The following TANC1 variants were observed in gnomAD, a reference collection of about 807,000 sequenced individuals.
The protein encoded by TANC1 is tetratricopeptide repeat, ankyrin repeat and coiled-coil containing 1.
Under a neutral mutation model 149.7 loss-of-function variants are expected in TANC1, and 77 were observed. That is an observed-to-expected ratio of 0.51 (90% CI 0.43 to 0.62). The LOEUF is 0.62. Ranked by LOEUF, TANC1 falls within the 20% of genes least tolerant of loss-of-function variation. TANC1 has a pLI of 0.00. For missense variants in TANC1, 1,985 were observed against 2,321.8 expected (o/e 0.85, Z 2.98); for synonymous variants, 854 against 925.0 (o/e 0.92, Z 1.39).
intron 3 of TANC1, among the ~76,000 whole-genome samples, chr2:159,090,379 C>G (rs1289028994): frequency 6.6e-6 from 1 of 152,180 alleles, no homozygotes. Flanking sequence ...CATTCCAGAT[C>G]TTTTTGACCA....
intron 18 of TANC1, among the ~76,000 whole-genome samples, chr2:159,198,128 C>T (rs1287156110): frequency 1.3e-5 from 2 of 152,202 alleles, no homozygotes; most frequent in Non-Finnish European, 2.9e-5. Flanking sequence ...CCTCTGTCCT[C>T]TGACCTGGAC....
intron 4 of TANC1, among the ~76,000 whole-genome samples, chr2:159,132,312 G>A (rs1388088499): frequency 6.6e-6 from 1 of 152,074 alleles, no homozygotes; most frequent in African/African-American, 2.4e-5. Flanking sequence ...GTCTCCTTTC[G>A]TATGTGACAT....
At position 159,219,818 on chromosome 2, in the gene TANC1, A is replaced by C; in HGVS notation, c.3629A>C (p.Asn1210Thr). 1 of 1,613,852 alleles carries C rather than the reference A, an allele frequency of 6.2e-7. No homozygotes were observed. Among genetic ancestry groups the C allele is most frequent in the Non-Finnish European group, 8.5e-7 (1 of 1,180,036 alleles). The change falls in exon 22 of 27, where the codon AAT (asparagine) becomes ACT (threonine). Residue 1210 changes from asparagine (N) to threonine (T), a missense_variant. Physicochemically the swap from Asn to Thr is moderately conservative, Grantham distance 65. Around this residue, in one of 3 missense-constraint regions of TANC1, gnomAD observed 920 missense variants for 994.7 expected, o/e 0.92. Transcript: ENST00000263635. ...EGAAIDQTDK[N>T]GRTPLDLAAF... ...GCTGCAATAGACCAGACAGACAAGA[A>C]TGGCCGCACACCCTTGGACCTGGCT...
At chr2:158,991,769 T>C (rs886710602) in intron 1 of TANC1, among the ~76,000 whole-genome samples, 4 of 151,286 alleles carry the variant, frequency 2.6e-5, no homozygotes, top group African/African-American at 9.7e-5. Context: ...AGAAAGAAAA[T>C]ATTGTAAAGA....
In TANC1 at chr2:159,051,762, C is replaced by T. The variant is rs1398988370; in HGVS notation, c.-15-14134C>T. On this transcript the variant is annotated intron_variant, in intron 2 of 26. Transcript: ENST00000263635. ...CCACCCCAGCTCTTCCAGAACTGCA[C>T]GAGGCTTGCACCATTCTGGGAAATT... is the stretch of plus-strand genomic sequence containing the variant. Among the ~76,000 whole-genome samples the T allele has an allele frequency of 3.3e-5, 5 of 151,896 alleles. No homozygotes were observed. In the South Asian group the frequency reaches 8.3e-4, roughly 25 times the overall value.
chr2:159,058,440 A>T (rs1370068655), intron 2 of TANC1, among the ~76,000 whole-genome samples: 1 of 140,896 alleles, frequency 7.1e-6, no homozygotes, highest in Non-Finnish European at 1.5e-5. Context: ...CTTCCATAAT[A>T]ACCCTGCCAC....
At chr2:159,143,722 TC>T (rs1415307284) in intron 5 of TANC1, among the ~76,000 whole-genome samples, 3 of 151,992 alleles carry the variant, frequency 2.0e-5, no homozygotes, top group African/African-American at 7.2e-5. Flanking sequence ...AAAGAACTGA[TC>T]CCCACAGATT....
At chr2:159,095,537 A>G (rs149522283) in intron 3 of TANC1, among the ~76,000 whole-genome samples, 3 of 151,836 alleles carry the variant, frequency 2.0e-5, no homozygotes, top group East Asian at 3.9e-4. Context: ...GAAGTTCAAG[A>G]CCAGCCTGAC....
intron 2 of TANC1, among the ~76,000 whole-genome samples, chr2:159,031,575 A>G (rs537489286): frequency 1.5e-3 from 226 of 152,354 alleles, no homozygotes; most frequent in African/African-American, 5.2e-3. Context: ...TTATAACCCT[A>G]TATTACAGAA....
chr2:159,182,572 A>T (rs2056599892), intron 14 of TANC1, among the ~76,000 whole-genome samples: 1 of 152,156 alleles, frequency 6.6e-6, no homozygotes, highest in African/African-American at 2.4e-5. Context: ...TATTTGTTTA[A>T]AAAGGGCAGC....
chr2:159,000,821 T>A (rs1319561170), intron 1 of TANC1, among the ~76,000 whole-genome samples: 1 of 151,774 alleles, frequency 6.6e-6, no homozygotes, highest in Non-Finnish European at 1.5e-5. Flanking sequence ...CTGGCCAGAG[T>A]CAAGAGCCAG....
chr2:159,084,876 A>G (rs2044675750), intron 3 of TANC1, among the ~76,000 whole-genome samples: 1 of 151,962 alleles, frequency 6.6e-6, no homozygotes, highest in African/African-American at 2.4e-5. Flanking sequence ...AAGAGTTCTG[A>G]CTCCGGAGTC....
At chr2:159,087,217 G>T (rs2044987250) in intron 3 of TANC1, among the ~76,000 whole-genome samples, 1 of 152,086 alleles carries the variant, frequency 6.6e-6, no homozygotes, top group South Asian at 2.1e-4. Context: ...GGCCAGGATT[G>T]GTTTATACAG....
chr2:158,976,292 A>G (rs1237318265), intron 1 of TANC1, among the ~76,000 whole-genome samples: 3 of 152,226 alleles, frequency 2.0e-5, no homozygotes, highest in Non-Finnish European at 2.9e-5. Flanking sequence ...TCTTTTATCA[A>G]CTTACATTAT....
chr2:159,228,180 T>C lies in TANC1; in HGVS notation c.4050+215T>C, dbSNP rs1164668050. 4 of 551,484 alleles carry C rather than the reference T, an allele frequency of 7.3e-6. No individual in the cohort carries two copies. In the Admixed American group the frequency reaches 1.1e-4, roughly 15 times the overall value. 34.2% of individuals were successfully genotyped at this position (551,484 alleles called of 1,614,324 possible). ...TCGCATGATGTTGAAGGAATGCACT[T>C]GGGTTTCGTTTCCTTGGCCTCAGTA... On this transcript the variant is annotated intron_variant, in intron 25 of 26. Transcript: ENST00000263635.
chr2:159,218,936 C>T (rs1240364822), intron 20 of TANC1, among the ~76,000 whole-genome samples: 1 of 152,164 alleles, frequency 6.6e-6, no homozygotes, highest in East Asian at 1.9e-4. Context: ...CTGTGGCTGT[C>T]TTGTCCTTGT....
At chr2:159,013,262 T>C (rs1242402861) in intron 2 of TANC1, among the ~76,000 whole-genome samples, 1 of 152,164 alleles carries the variant, frequency 6.6e-6, no homozygotes, top group African/African-American at 2.4e-5. Flanking sequence ...TTTGGTGCAC[T>C]AACCAGGACA....
At chr2:159,056,890 C>T (rs1239777639) in intron 2 of TANC1, 1 of 270,878 alleles carries the variant, frequency 3.7e-6, no homozygotes, top group Non-Finnish European at 7.8e-6. Flanking sequence ...ACCATTTCTC[C>T]TCATAGGACA....
chr2:159,078,254 T>C (rs2043896341), intron 3 of TANC1, among the ~76,000 whole-genome samples: 1 of 152,212 alleles, frequency 6.6e-6, no homozygotes, highest in South Asian at 2.1e-4. Flanking sequence ...TGTCAAAAAT[T>C]AAAATTTAAA....
Sources: gnomAD v4.1 joint callset for allele counts (sites outside exome capture counted in the v4.1 genomes callset) on GRCh38, gnomAD v4.1.1 for gene constraint, gnomAD v4.1.1 regional missense constraint, MANE v1.5 for transcripts, NCBI Gene and HGNC (gene_info 2026-07-23, HGNC 2026-07-21) for gene names.